Variants in RSBN1L observed in about 807,000 individuals in gnomAD.
The protein encoded by RSBN1L is round spermatid basic protein 1 like.
In RSBN1L, 30 loss-of-function variants were observed where a neutral mutation model predicts 67.7. The ratio of observed to expected loss-of-function variants is 0.44; its 90% CI spans 0.33 to 0.60. RSBN1L has a LOEUF of 0.60. RSBN1L is among the 20% of genes least tolerant of loss of function. The pLI, the probability that RSBN1L is intolerant of heterozygous loss-of-function variation, is 0.02. For synonymous variants in RSBN1L, 433 were observed against 387.0 expected (o/e 1.12, Z -1.39); for missense variants, 992 against 1,031.7 (o/e 0.96, Z 0.53).
At chr7:77,725,439 G>A (rs571167270) in intron 1 of RSBN1L, among the ~76,000 whole-genome samples, 1 of 149,522 alleles carries the variant, frequency 6.7e-6, no homozygotes, top group South Asian at 2.1e-4. Context: ...TATGAACGGG[G>A]TTTCACCATG....
At chr7:77,751,047 T>C (rs1791550175) in intron 3 of RSBN1L, among the ~76,000 whole-genome samples, 1 of 152,208 alleles carries the variant, frequency 6.6e-6, no homozygotes, top group African/African-American at 2.4e-5. Context: ...CTTTAAATGG[T>C]AGTCTGGATG....
intron 1 of RSBN1L, among the ~76,000 whole-genome samples, chr7:77,701,436 T>A (rs540117985): frequency 6.6e-6 from 1 of 152,270 alleles, no homozygotes; most frequent in African/African-American, 2.4e-5. Flanking sequence ...AAGAGATTTC[T>A]GCATTGGAAA....
intron 1 of RSBN1L, among the ~76,000 whole-genome samples, chr7:77,706,657 A>C (rs1790897263): frequency 6.6e-6 from 1 of 152,220 alleles, no homozygotes. Flanking sequence ...CTAGTTTAAA[A>C]TTTGGCAATC....
At chr7:77,742,731 G>T (rs1276733936) in intron 2 of RSBN1L, among the ~76,000 whole-genome samples, 1 of 152,166 alleles carries the variant, frequency 6.6e-6, no homozygotes. Context: ...CAGCTACTCA[G>T]TTGGCCGAGG....
chr7:77,768,124 G>T (rs775742239), intron 4 of RSBN1L, among the ~76,000 whole-genome samples: 4 of 151,652 alleles, frequency 2.6e-5, no homozygotes, highest in African/African-American at 4.8e-5. Context: ...CAAAGTGCTC[G>T]GATTACAGGC....
At chr7:77,763,488 G>T (rs1331110959) in intron 3 of RSBN1L, among the ~76,000 whole-genome samples, 1 of 152,134 alleles carries the variant, frequency 6.6e-6, no homozygotes, top group Non-Finnish European at 1.5e-5. Flanking sequence ...GATACCCTTA[G>T]CTTCTTTGAT....
At chr7:77,761,961 A>G (rs971756533) in intron 3 of RSBN1L, among the ~76,000 whole-genome samples, 3 of 152,266 alleles carry the variant, frequency 2.0e-5, no homozygotes, top group East Asian at 1.9e-4. Context: ...TTGGAAGATC[A>G]TTGCCGTTTT....
chr7:77,774,385 C>T (rs925289381), intron 6 of RSBN1L, among the ~76,000 whole-genome samples: 1 of 151,976 alleles, frequency 6.6e-6, no homozygotes, highest in Admixed American at 6.6e-5. Context: ...GTCAGGAGTT[C>T]GAGACCAGCC....
intron 1 of RSBN1L, chr7:77,697,336 A>C (rs1409296873): frequency 3.0e-6 from 1 of 330,680 alleles, no homozygotes. Flanking sequence ...ATCCATCTTG[A>C]GGACTCTCCT....
intron 2 of RSBN1L, among the ~76,000 whole-genome samples, chr7:77,740,205 C>T (rs1021513629): frequency 2.0e-5 from 3 of 152,116 alleles, no homozygotes; most frequent in Non-Finnish European, 4.4e-5. Context: ...AAGTTTGAAA[C>T]AAAGCTTATT....
At chr7:77,711,840 T>A (rs1029512056) in intron 1 of RSBN1L, among the ~76,000 whole-genome samples, 2 of 152,198 alleles carry the variant, frequency 1.3e-5, no homozygotes, top group Non-Finnish European at 2.9e-5. Context: ...TATAGAATTA[T>A]GAGTGAAAAC....
At position 77,761,884 on chromosome 7, in the gene RSBN1L, T is replaced by C. The variant is rs527497918; in HGVS notation, c.1345-3611T>C. ...TCAATTTAATTTTTTAAATTTGGTCTAAGTTTAAATATGTTTATTCAGGTG... is the reference window on the plus strand; with the variant it reads ...TCAATTTAATTTTTTAAATTTGGTCCAAGTTTAAATATGTTTATTCAGGTG... On this transcript the variant is annotated intron_variant, in intron 3 of 7. Coordinates refer to ENST00000334955, the MANE Select transcript of RSBN1L (RefSeq NM_198467.3). Among the ~76,000 whole-genome samples, 82 of 152,306 alleles carry C rather than the reference T, an allele frequency of 5.4e-4. 4 individuals are homozygous for C. The South Asian group carries it at 0.017, about 32-fold the overall frequency.
At chr7:77,730,790 G>C (rs958729014) in intron 1 of RSBN1L, among the ~76,000 whole-genome samples, 5 of 152,202 alleles carry the variant, frequency 3.3e-5, no homozygotes, top group Admixed American at 6.5e-5. Context: ...GGACATCATG[G>C]TTGTTCCCAA....
At chr7:77,767,196 T>C (rs1791779813) in intron 4 of RSBN1L, among the ~76,000 whole-genome samples, 1 of 152,040 alleles carries the variant, frequency 6.6e-6, no homozygotes, top group Non-Finnish European at 1.5e-5. Flanking sequence ...CCCAAAGTGC[T>C]GTGATTACAG....
chr7:77,700,896 C>T (rs1790806775), intron 1 of RSBN1L, among the ~76,000 whole-genome samples: 1 of 152,168 alleles, frequency 6.6e-6, no homozygotes. Flanking sequence ...GTGGCTCACG[C>T]CTGTAATCCC....
rs990787728 is a variant in RSBN1L at position 77,762,831 on chromosome 7, TTTTA to T, written c.1345-2660_1345-2657del. 5.6e-4 allele frequency among the ~76,000 whole-genome samples: 86 copies of T among 152,308 alleles called. 1 individual carries two copies. Among genetic ancestry groups the T allele is most frequent in the Admixed American group, 3.2e-3 (49 of 15,290 alleles). On this transcript the variant is annotated intron_variant, in intron 3 of 7. Coordinates refer to ENST00000334955, the MANE Select transcript of RSBN1L (RefSeq NM_198467.3). ...ATTTAATAATGTTATAGTTTTTTGGTTTTATTTCATGTATAATATGACTTTTTAA... is the reference window on the plus strand; with the variant it reads ...ATTTAATAATGTTATAGTTTTTTGGTTTTCATGTATAATATGACTTTTTAA...
intron 2 of RSBN1L, among the ~76,000 whole-genome samples, chr7:77,743,985 C>T (rs1791447736): frequency 6.6e-6 from 1 of 152,134 alleles, no homozygotes; most frequent in South Asian, 2.1e-4. Flanking sequence ...CTTGGCCTCC[C>T]AAAGTGTTGG....
At chr7:77,766,313 T>G (rs1791765765) in intron 4 of RSBN1L, among the ~76,000 whole-genome samples, 1 of 152,216 alleles carries the variant, frequency 6.6e-6, no homozygotes, top group Admixed American at 6.5e-5. Context: ...GCCTCCCAAG[T>G]ACCTCGGATT....
chr7:77,730,052 C>T (rs1266287381), intron 1 of RSBN1L, among the ~76,000 whole-genome samples: 1 of 152,058 alleles, frequency 6.6e-6, no homozygotes, highest in Non-Finnish European at 1.5e-5. Flanking sequence ...GTGTGTTTAG[C>T]CCATGTTCAT....
Sources: gnomAD v4.1 joint callset for allele counts (sites outside exome capture counted in the v4.1 genomes callset) on GRCh38, gnomAD v4.1.1 for gene constraint, MANE v1.5 for transcripts, NCBI Gene and HGNC (gene_info 2026-07-23, HGNC 2026-07-21) for gene names.